The following CDH12 variants were observed in gnomAD, a reference collection of about 807,000 sequenced individuals.
CDH12 encodes cadherin-12.
A neutral mutation model predicts 74.1 loss-of-function variants in CDH12; 41 were observed. That is an observed-to-expected ratio of 0.55 (90% CI 0.43 to 0.72). CDH12 has a LOEUF of 0.72. Among genes scored for constraint, CDH12 ranks in the 30% least tolerant of loss-of-function variants. The probability of loss-of-function intolerance (pLI) is 0.00; values close to 1 mark genes in which losing one functional copy is unlikely to be tolerated. For synonymous variants in CDH12, 399 were observed against 355.0 expected, an observed-to-expected ratio of 1.12 and a Z score of -1.39; for missense variants, 945 against 977.2, an observed-to-expected ratio of 0.97 and a Z score of 0.44.
chr5:22,080,143 C>T (rs982159321), intron 4 of CDH12, among the ~76,000 whole-genome samples: 11 of 147,388 alleles, frequency 7.5e-5, no homozygotes, highest in Admixed American at 2.0e-4. Flanking sequence ...ATATATAATG[C>T]TTCCAAAACA....
chr5:21,898,156 T>C (rs143099841), intron 6 of CDH12, among the ~76,000 whole-genome samples: 1 of 152,254 alleles, frequency 6.6e-6, no homozygotes, highest in African/African-American at 2.4e-5. Context: ...GAATAAATTA[T>C]AGGAAAAATC....
At chr5:21,863,417 A>AGTACAT (rs1240698303) in intron 6 of CDH12, among the ~76,000 whole-genome samples, 3 of 152,190 alleles carry the variant, frequency 2.0e-5, no homozygotes, top group Non-Finnish European at 4.4e-5. Flanking sequence ...TTCAAAACTC[A>AGTACAT]GTACATGTTT....
At chr5:22,376,460 G>T (rs1009569949) in intron 3 of CDH12, among the ~76,000 whole-genome samples, 3 of 152,090 alleles carry the variant, frequency 2.0e-5, no homozygotes, top group African/African-American at 7.2e-5. Context: ...GACTTGAAAT[G>T]TTTCTAACAC....
intron 1 of CDH12, among the ~76,000 whole-genome samples, chr5:22,565,184 C>T (rs898896528): frequency 2.0e-5 from 3 of 152,108 alleles, no homozygotes; most frequent in Non-Finnish European, 4.4e-5. Flanking sequence ...TCCACCTGCC[C>T]CTGCCTCCCA....
chr5:22,173,791 T>TA (rs1749180566), intron 4 of CDH12, among the ~76,000 whole-genome samples: 1 of 151,890 alleles, frequency 6.6e-6, no homozygotes, highest in East Asian at 1.9e-4. Flanking sequence ...GATGTTACCA[T>TA]AATTTTTTGC....
chr5:22,331,595 G>C (rs1739354992), intron 3 of CDH12, among the ~76,000 whole-genome samples: 1 of 152,156 alleles, frequency 6.6e-6, no homozygotes, highest in African/African-American at 2.4e-5. Flanking sequence ...GTAAAGACCA[G>C]ATATTGATGA....
intron 3 of CDH12, among the ~76,000 whole-genome samples, chr5:22,393,683 T>C (rs1247052399): frequency 6.6e-5 from 10 of 152,210 alleles, no homozygotes; most frequent in East Asian, 1.9e-4. Context: ...TTAATTCTGA[T>C]GTGCACTTAG....
intron 2 of CDH12, among the ~76,000 whole-genome samples, chr5:22,425,145 G>GTA (rs1489930547): frequency 1.0e-5 from 1 of 98,618 alleles, no homozygotes; most frequent in Admixed American, 9.9e-5. Flanking sequence ...TTATATATAT[G>GTA]TGTGTGTGTA....
chr5:21,813,525 C>A (rs188600011), intron 9 of CDH12, among the ~76,000 whole-genome samples: 188 of 146,194 alleles, frequency 1.3e-3, no homozygotes, highest in African/African-American at 4.3e-3. Context: ...TAAAAGTGAT[C>A]TAGATCTACA....
intron 3 of CDH12, among the ~76,000 whole-genome samples, chr5:22,291,247 C>T (rs1737375956): frequency 6.6e-6 from 1 of 152,050 alleles, no homozygotes; most frequent in Admixed American, 6.6e-5. Context: ...ATATGACAAA[C>T]CCACAGCTAA....
At chr5:21,880,635 CTT>C (rs1295022397) in intron 6 of CDH12, among the ~76,000 whole-genome samples, 1 of 98,910 alleles carries the variant, frequency 1.0e-5, no homozygotes, top group African/African-American at 3.7e-5. Context: ...TTCTTTCTTT[CTT>C]TCTTTCTTTC....
At chr5:22,729,896 C>T (rs1406073290) in intron 1 of CDH12, among the ~76,000 whole-genome samples, 1 of 151,702 alleles carries the variant, frequency 6.6e-6, no homozygotes, top group Non-Finnish European at 1.5e-5. Context: ...AGTGACATTA[C>T]CTACCATATT....
At chr5:22,129,683 T>C (rs1462647129) in intron 4 of CDH12, among the ~76,000 whole-genome samples, 1 of 152,138 alleles carries the variant, frequency 6.6e-6, no homozygotes. Flanking sequence ...TTTACGTGTT[T>C]AATCGTTTTT....
At chr5:22,824,220 A>G (rs1421970461) in intron 1 of CDH12, among the ~76,000 whole-genome samples, 1 of 152,158 alleles carries the variant, frequency 6.6e-6, no homozygotes, top group Non-Finnish European at 1.5e-5. Context: ...ACCAGTAGTA[A>G]TGGTGAAACA....
chr5:22,037,333 G>A (rs1739260013), intron 5 of CDH12, among the ~76,000 whole-genome samples: 1 of 152,308 alleles, frequency 6.6e-6, no homozygotes, highest in East Asian at 1.9e-4. Flanking sequence ...GACAGTCAAA[G>A]AAGGAAATTT....
At chr5:22,195,081 T>C (rs1302412411) in intron 4 of CDH12, among the ~76,000 whole-genome samples, 7 of 152,256 alleles carry the variant, frequency 4.6e-5, no homozygotes, top group African/African-American at 1.7e-4. Flanking sequence ...TTGCCATAGG[T>C]TCTTGATAAA....
intron 4 of CDH12, among the ~76,000 whole-genome samples, chr5:22,125,247 C>T (rs1220434557): frequency 2.6e-5 from 4 of 152,032 alleles, no homozygotes; most frequent in Admixed American, 6.6e-5. Context: ...TGTCCTAATG[C>T]TCTCCCTCCC....
Position 22,391,633 on chromosome 5 carries a change from G to A in CDH12, c.-333+13624C>T, listed in dbSNP as rs557462282. ...ATAAAATACATTATCAATGGAATTA[G>A]TGCCCTACCTAAATAACTGATTTTT... On this transcript the variant is annotated intron_variant, in intron 3 of 14. Coordinates refer to ENST00000382254, the MANE Select transcript of CDH12 (RefSeq NM_004061.5). Among the ~76,000 whole-genome samples the A allele has an allele frequency of 2.0e-5, 3 of 152,028 alleles. No individual in the cohort carries two copies. In the East Asian group the frequency reaches 5.8e-4, roughly 29 times the overall value.
intron 1 of CDH12, among the ~76,000 whole-genome samples, chr5:22,833,037 T>C (rs1348205069): frequency 1.3e-5 from 2 of 152,192 alleles, no homozygotes; most frequent in Non-Finnish European, 2.9e-5. Flanking sequence ...CTACAGCCAG[T>C]GATGAATTTA....
Sources: allele counts gnomAD v4.1 joint callset (sites outside exome capture counted in the v4.1 genomes callset), GRCh38; gene constraint gnomAD v4.1.1; transcripts MANE v1.5; gene names NCBI Gene and HGNC (gene_info 2026-07-23, HGNC 2026-07-21).